MED12: variants seen among roughly 807,000 people sequenced by gnomAD.
MED12 encodes the protein mediator complex subunit 12, also known as mediator of RNA polymerase II transcription subunit 12.
MED12 carries 10 observed loss-of-function variants against 177.7 expected under a neutral mutation model. That is an observed-to-expected ratio of 0.06 (90% confidence interval 0.03 to 0.10). The LOEUF is 0.10. Ranked by LOEUF, MED12 falls within the 10% of genes least tolerant of loss-of-function variation. The probability of loss-of-function intolerance (pLI) is 1.00; values close to 1 mark genes in which losing one functional copy is unlikely to be tolerated. For missense variants in MED12, 867 were observed against 1,780.8 expected (o/e 0.49, Z 9.23); for synonymous variants, 641 against 678.4 (o/e 0.94, Z 0.86).
chrX:71,124,463 A>C (rs781222152), intron 13 of MED12, 75 bp downstream of exon 13: 1 of 859,355 alleles, frequency 1.2e-6, no homozygotes, highest in Admixed American at 2.7e-5. Context: ...GGCCTCTAAG[A>C]GCCTCTTTTG....
In MED12 at chrX:71,127,165, C is replaced by T. The variant is rs780915768; in HGVS notation, c.2849+33C>T. ...GAGCTTCGGAATAACTGAAACAAAG[C>T]TCTGGCGAATGCCGGTGGAAGTGGC... On this transcript the variant is annotated intron_variant, in intron 20 of 44. Coordinates refer to ENST00000374080, the MANE Select transcript of MED12 (RefSeq NM_005120.3). 8 of 1,192,567 alleles carry T rather than the reference C, an allele frequency of 6.7e-6. No homozygotes were observed. In the South Asian group the frequency reaches 1.1e-4, roughly 16 times the overall value.
At chrX:71,131,056 T>TG (rs1984408279) in intron 28 of MED12, among the ~76,000 whole-genome samples, 1 of 111,910 alleles carries the variant, frequency 8.9e-6, no homozygotes, top group Non-Finnish European at 1.9e-5. Flanking sequence ...GGGAAAGATG[T>TG]GAAATCTTTC....
chrX:71,133,336 G>GT (rs373336965), intron 33 of MED12, 124 bp downstream of exon 33: 31,118 of 366,228 alleles, frequency 0.085, no homozygotes, highest in East Asian at 0.1. Flanking sequence ...GTCTTGAAGG[G>GT]TTTTTTTTTT....
At chrX:71,120,235 A>T (rs1326907186) in intron 4 of MED12, 65 bp downstream of exon 4, 2 of 1,069,528 alleles carry the variant, frequency 1.9e-6, no homozygotes, top group Non-Finnish European at 2.6e-6. Flanking sequence ...ACACCCTTGG[A>T]ACCATCCTCC....
At chrX:71,127,242 G>A in intron 20 of MED12, 94 bp from the exon 21 acceptor site, 5 of 1,164,523 alleles carry the variant, frequency 4.3e-6, no homozygotes, top group Non-Finnish European at 5.8e-6. Flanking sequence ...TGCTGCTCAG[G>A]TGGGAAAAGA....
chrX:71,125,980 C>G, intron 17 of MED12, 56 bp from the exon 18 acceptor site: 1 of 862,501 alleles, frequency 1.2e-6, no homozygotes, highest in Non-Finnish European at 1.7e-6. Flanking sequence ...CTCCCCACCC[C>G]TAGTCAACTA....
In MED12 at chrX:71,141,927, A is replaced by G; in HGVS notation, c.6453A>G (p.Thr2151=). The G allele has an allele frequency of 1.7e-6, 2 of 1,211,797 alleles. No homozygotes were observed. The highest frequency in any genetic ancestry group is 1.8e-5 in the South Asian group (1 of 56,991). ...AGCAGACCCAGCAGCAGCAACAGACAGCAGCTTTGGTCCGGCAACTTCAAC... is the reference window on the plus strand; with the variant it reads ...AGCAGACCCAGCAGCAGCAACAGACGGCAGCTTTGGTCCGGCAACTTCAAC... ...GLQQTQQQQQ[T]AALVRQLQQQ... is the part of the protein sequence containing the mutation. Residue 2151 remains threonine, a synonymous_variant, in exon 44 of 45, where the codon ACA becomes ACG. Transcript: ENST00000374080.
intron 41 of MED12, 53 bp from the exon 42 acceptor site, chrX:71,140,582 C>A: frequency 8.3e-7 from 1 of 1,210,521 alleles, no homozygotes; most frequent in Non-Finnish European, 1.1e-6. Context: ...TTATACTGAC[C>A]CCCTCTCCTC....
chrX:71,125,783 G>A, intron 17 of MED12, 70 bp downstream of exon 17: 1 of 959,108 alleles, frequency 1.0e-6, no homozygotes, highest in Non-Finnish European at 1.5e-6. Flanking sequence ...GCACCTCCCT[G>A]TACATATTCC....
At position 71,132,474 on chromosome X, in the gene MED12, T is replaced by C. The variant is rs2092319915; in HGVS notation, c.4351T>C (p.Leu1451=). ...GHVLKAAGEE[L]EKGQHLGSSS... ...TGTGTTAAAGGCTGCTGGGGAAGAA[T>C]TGGAGAAGGGTCAGCACCTGGGTTC... Residue 1451 remains leucine, a synonymous_variant, in exon 31 of 45, where the codon TTG becomes CTG. Coordinates refer to ENST00000374080, the MANE Select transcript of MED12 (RefSeq NM_005120.3). 1.7e-6 allele frequency: 2 copies of C among 1,208,632 alleles called. No individual in the cohort carries two copies. The highest frequency in any genetic ancestry group is 3.5e-5 in the African/African-American group (2 of 57,546).
rs776250297 is a variant in MED12, at chrX:71,133,225, G to C, written c.4617+13G>C. 8.7e-7 allele frequency: 1 copy of C among 1,149,115 alleles called. No homozygotes were observed. Among genetic ancestry groups the C allele is most frequent in the Non-Finnish European group, 1.2e-6 (1 of 838,602 alleles). 94.7% of individuals were successfully genotyped at this position (1,149,115 alleles called of 1,213,427 possible). On this transcript the variant is annotated intron_variant, in intron 33 of 44. Coordinates refer to ENST00000374080, the MANE Select transcript of MED12 (RefSeq NM_005120.3). ...GCGGCTCAACCTGGTGAGAAGGCCAGCTGGGGAGAAGAAGGAAGAGGGTAG... is the reference window on the plus strand; with the variant it reads ...GCGGCTCAACCTGGTGAGAAGGCCACCTGGGGAGAAGAAGGAAGAGGGTAG...
chrX:71,137,522 T>A (rs992484648), intron 39 of MED12, 36 bp from the exon 40 acceptor site: 4 of 1,182,164 alleles, frequency 3.4e-6, no homozygotes, highest in African/African-American at 1.8e-5. Context: ...CAGCAAGCAT[T>A]TCCTGAGTTT....
At chrX:71,137,532 T>C in intron 39 of MED12, 26 bp from the exon 40 acceptor site, 1 of 1,194,889 alleles carries the variant, frequency 8.4e-7, no homozygotes, top group South Asian at 1.8e-5. Context: ...TTCCTGAGTT[T>C]GAGTTGTTCT....
Position 71,140,788 on chromosome X carries a change from G to A in MED12, c.6198G>A (p.Gln2066=), listed in dbSNP as rs997158731. ...AGCAACAGCAACAGCAGCAGCAGCA[G>A]CAACAGCAACAGCAGCAGCAGCAGC... ...QQQQQQQQQQ[Q]QQQQQQQQQQ... Residue 2066 remains glutamine, a synonymous_variant, in exon 42 of 45, where the codon CAG becomes CAA. Transcript: ENST00000374080. The A allele has an allele frequency of 1.6e-5, 19 of 1,205,922 alleles. No individual in the cohort carries two copies. Among genetic ancestry groups the A allele is most frequent in the Non-Finnish European group, 2.1e-5 (19 of 893,293 alleles).
rs2147822616 is a variant in MED12, at chrX:71,134,855, A to G, written c.4863+7A>G. 5.0e-6 allele frequency: 6 copies of G among 1,211,397 alleles called. No homozygotes were observed. The highest frequency in any genetic ancestry group is 6.7e-6 in the Non-Finnish European group (6 of 895,498). On this transcript the variant is annotated splice_region_variant and intron_variant, in intron 35 of 44. Transcript: ENST00000374080. The stretch of plus-strand genomic sequence containing the variant: ...CCTGGCGAAGAAGTTGCAGGTAAGC[A>G]GAGGAAGCGGGGGCAAGGTTTGCGG...
intron 33 of MED12, among the ~76,000 whole-genome samples, chrX:71,134,115 C>G (rs955099811): frequency 5.5e-5 from 6 of 108,678 alleles, no homozygotes; most frequent in African/African-American, 2.0e-4. Context: ...CCTGTAGTCC[C>G]AGCTACTCGG....
At position 71,134,991 on chromosome X, in the gene MED12, G is replaced by GT. The variant is rs1940597236; in HGVS notation, c.4864-100dup. 4 of 1,153,155 alleles carry GT rather than the reference G, an allele frequency of 3.5e-6. No homozygotes were observed. In the African/African-American group the frequency reaches 7.2e-5, roughly 21 times the overall value. The stretch of plus-strand genomic sequence containing the variant: ...TACTCATGCCGTGAGCATTTACTGA[G>GT]TGGGGGTCTTCTCTGTGCCAGGTTC... On this transcript the variant is annotated intron_variant, in intron 35 of 44. Transcript: ENST00000374080.
In MED12 at chrX:71,136,949, C is replaced by T. The variant is rs1273545565; in HGVS notation, c.5471C>T (p.Pro1824Leu). ...VTVPPDLLHHPNPGSITHLNY... is the reference protein window; with the variant it reads ...VTVPPDLLHHLNPGSITHLNY... ...GTGCCTCCGGACCTCCTGCACCACC[C>T]AAACCCTGGTTCTATAACACACCTT... Residue 1824 changes from proline to leucine, a missense_variant, in exon 38 of 45, where the codon CCA becomes CTA. By Grantham distance (98) the Pro-to-Leu change is moderately conservative. This residue lies in a region of MED12 where 236 missense variants were observed against 345.2 expected (regional missense o/e 0.68). Coordinates refer to ENST00000374080, the MANE Select transcript of MED12 (RefSeq NM_005120.3). 1 of 1,207,686 alleles carries T rather than the reference C, an allele frequency of 8.3e-7. No homozygotes were observed. Among genetic ancestry groups the T allele is most frequent in the Non-Finnish European group, 1.1e-6 (1 of 894,775 alleles).
In MED12 at chrX:71,118,597, G is replaced by T; in HGVS notation, c.-158G>T. 1 of 510,831 alleles carries T rather than the reference G, an allele frequency of 2.0e-6. No homozygotes were observed. Among genetic ancestry groups the T allele is most frequent in the South Asian group, 2.7e-5 (1 of 37,484 alleles). 42.1% of individuals were successfully genotyped at this position (510,831 alleles called of 1,213,427 possible). A position where few individuals can be genotyped will look rare whatever the true frequency, so the allele number is the denominator to read the frequency against. ...CGGCGTACCTCGGCTTCCCTCGGTA[G>T]TTTCCGGCAATGGTCGAGAGTTTCT... is the stretch of plus-strand genomic sequence containing the variant. On this transcript the variant is annotated 5_prime_UTR_variant, in exon 1 of 45. Transcript: ENST00000374080.
Sources: gnomAD v4.1 joint callset for allele counts (sites outside exome capture counted in the v4.1 genomes callset) on GRCh38, gnomAD v4.1.1 for gene constraint, gnomAD v4.1.1 regional missense constraint, MANE v1.5 for transcripts, NCBI Gene and HGNC (gene_info 2026-07-23, HGNC 2026-07-21) for gene names.